HPSE2: variants seen among roughly 807,000 people sequenced by gnomAD.
The protein encoded by HPSE2 is heparanase 2 (inactive), also known as inactive heparanase-2.
Under a neutral mutation model 60.5 loss-of-function variants are expected in HPSE2, and 38 were observed. The observed-to-expected ratio is 0.63, with a 90% CI of 0.48 to 0.82. The LOEUF (loss-of-function observed/expected upper bound fraction) is 0.82. Among genes scored for constraint, HPSE2 ranks in the 40% least tolerant of loss-of-function variants. The pLI, the probability that HPSE2 is intolerant of heterozygous loss-of-function variation, is 0.00. For synonymous variants in HPSE2, 295 were observed against 293.2 expected (o/e 1.01, Z -0.06); for missense variants, 713 against 740.4 (o/e 0.96, Z 0.43).
chr10:98,655,924 G>A (rs1947049283), intron 6 of HPSE2, among the ~76,000 whole-genome samples: 1 of 152,038 alleles, frequency 6.6e-6, no homozygotes, highest in African/African-American at 2.4e-5. Context: ...GATACCATAG[G>A]GTGTCCCCTC....
At chr10:99,029,824 C>T (rs1957459702) in intron 3 of HPSE2, among the ~76,000 whole-genome samples, 1 of 152,148 alleles carries the variant, frequency 6.6e-6, no homozygotes, top group African/African-American at 2.4e-5. Flanking sequence ...ATCAGGCCCT[C>T]CACAAGAGGT....
intron 3 of HPSE2, among the ~76,000 whole-genome samples, chr10:99,010,431 A>T (rs563915000): frequency 6.6e-6 from 1 of 152,284 alleles, no homozygotes; most frequent in African/African-American, 2.4e-5. Flanking sequence ...TGAAAGAGGG[A>T]TTTACTTGAC....
intron 7 of HPSE2, among the ~76,000 whole-genome samples, chr10:98,636,561 T>C (rs1048702454): frequency 6.6e-6 from 1 of 152,172 alleles, no homozygotes; most frequent in Non-Finnish European, 1.5e-5. Context: ...GTTTGATCAT[T>C]ACACATTGTA....
intron 9 of HPSE2, among the ~76,000 whole-genome samples, chr10:98,579,448 A>T (rs1944731647): frequency 6.6e-6 from 1 of 152,190 alleles, no homozygotes; most frequent in African/African-American, 2.4e-5. Context: ...GCTCTCCATT[A>T]CTGTGGTAAG....
At chr10:98,555,348 C>T (rs1943975168) in intron 9 of HPSE2, among the ~76,000 whole-genome samples, 1 of 152,190 alleles carries the variant, frequency 6.6e-6, no homozygotes, top group South Asian at 2.1e-4. Flanking sequence ...TTTGCACATT[C>T]TGCCTTTTCT....
At chr10:98,970,214 C>T (rs1197530069) in intron 3 of HPSE2, among the ~76,000 whole-genome samples, 3 of 152,202 alleles carry the variant, frequency 2.0e-5, no homozygotes, top group Admixed American at 6.5e-5. Flanking sequence ...CTGCCTGCCT[C>T]GGCCTCCCAA....
intron 5 of HPSE2, among the ~76,000 whole-genome samples, chr10:98,705,702 C>A (rs907924873): frequency 3.3e-5 from 5 of 152,046 alleles, no homozygotes; most frequent in African/African-American, 1.2e-4. Context: ...GGGAGCTGAA[C>A]AATGAGAACA....
intron 3 of HPSE2, among the ~76,000 whole-genome samples, chr10:98,939,323 G>A (rs12220431): frequency 7.0e-6 from 1 of 142,850 alleles, no homozygotes; most frequent in Non-Finnish European, 1.5e-5. Flanking sequence ...TCAGTGTGCT[G>A]TATTCAGGAA....
At chr10:99,179,938 G>A (rs551048390) in intron 2 of HPSE2, among the ~76,000 whole-genome samples, 1 of 152,138 alleles carries the variant, frequency 6.6e-6, no homozygotes, top group African/African-American at 2.4e-5. Context: ...ACAGAACAGA[G>A]GCCTCAGAAA....
At chr10:98,657,511 AT>A (rs1467840553) in intron 6 of HPSE2, among the ~76,000 whole-genome samples, 5 of 151,990 alleles carry the variant, frequency 3.3e-5, no homozygotes, top group African/African-American at 1.2e-4. Context: ...TAATTTTTGT[AT>A]TTTTAGTAGA....
chr10:98,518,860 T>G (rs887695128), intron 9 of HPSE2, among the ~76,000 whole-genome samples: 1 of 152,220 alleles, frequency 6.6e-6, no homozygotes, highest in African/African-American at 2.4e-5. Context: ...AATCATCTTC[T>G]GTAAACGCCT....
At chr10:99,228,533 A>C (rs1849545657) in intron 2 of HPSE2, among the ~76,000 whole-genome samples, 1 of 152,246 alleles carries the variant, frequency 6.6e-6, no homozygotes, top group Non-Finnish European at 1.5e-5. Flanking sequence ...AGAACAGAAG[A>C]ATAACCCAAG....
At chr10:98,571,525 C>T (rs1944493035) in intron 9 of HPSE2, among the ~76,000 whole-genome samples, 1 of 152,102 alleles carries the variant, frequency 6.6e-6, no homozygotes, top group Admixed American at 6.6e-5. Context: ...AACAAAATTA[C>T]ATTTTCTCTG....
the HPSE2 span, among the ~76,000 whole-genome samples, chr10:99,287,514 G>T: frequency 2.1e-4 from 32 of 152,252 alleles, no homozygotes; most frequent in South Asian, 2.3e-3. Flanking sequence ...GGTGGCAGGG[G>T]TGTGTGGCTT....
At chr10:98,866,901 G>C (rs75214455) in intron 3 of HPSE2, among the ~76,000 whole-genome samples, 13,427 of 152,106 alleles carry the variant, frequency 0.088, 758 homozygotes, top group Non-Finnish European at 0.13. Context: ...AAGGCAGAAT[G>C]AAAATAATAA....
chr10:98,749,945 T>C (rs12254381), intron 3 of HPSE2, among the ~76,000 whole-genome samples: 837 of 66,236 alleles, frequency 0.013, 12 homozygotes, highest in African/African-American at 0.036. Context: ...TATATATATA[T>C]ATACACACAC....
At chr10:98,732,442 A>G (rs1949250112) in intron 4 of HPSE2, among the ~76,000 whole-genome samples, 1 of 152,204 alleles carries the variant, frequency 6.6e-6, no homozygotes, top group Non-Finnish European at 1.5e-5. Flanking sequence ...AGACATACAG[A>G]TCAGCGGAAC....
intron 3 of HPSE2, among the ~76,000 whole-genome samples, chr10:99,003,161 T>C (rs1453255719): frequency 3.3e-5 from 5 of 152,170 alleles, no homozygotes; most frequent in Admixed American, 3.3e-4. Flanking sequence ...TGTTCATCCA[T>C]GTTGTCACAA....
At chr10:99,315,479 G>A in the HPSE2 span, among the ~76,000 whole-genome samples, 1 of 152,216 alleles carries the variant, frequency 6.6e-6, no homozygotes, top group African/African-American at 2.4e-5. Flanking sequence ...ATGGAAGGAA[G>A]AAGGGAGTGA....
Sources: allele counts gnomAD v4.1 joint callset (sites outside exome capture counted in the v4.1 genomes callset), GRCh38; gene constraint gnomAD v4.1.1; transcripts MANE v1.5; gene names NCBI Gene and HGNC (gene_info 2026-07-23, HGNC 2026-07-21).